The following PTPRD variants were observed in gnomAD, a reference collection of about 807,000 sequenced individuals.
The protein encoded by PTPRD is receptor-type tyrosine-protein phosphatase delta.
Under a neutral mutation model 214.5 loss-of-function variants are expected in PTPRD, and 34 were observed. The ratio of observed to expected loss-of-function variants is 0.16; its 90% CI spans 0.12 to 0.21. PTPRD has a LOEUF of 0.21. PTPRD is among the 10% of genes least tolerant of loss of function. PTPRD has a pLI of 1.00. For synonymous variants in PTPRD, 1,128 were observed against 845.7 expected, an observed-to-expected ratio of 1.33 and a Z score of -5.79; for missense variants, 2,545 against 2,398.7, an observed-to-expected ratio of 1.06 and a Z score of -1.27.
chr9:9,879,835 G>A (rs183180574), intron 5 of PTPRD, among the ~76,000 whole-genome samples: 157 of 152,282 alleles, frequency 1.0e-3, no homozygotes, highest in Non-Finnish European at 8.1e-4. Context: ...TGAATTTCCA[G>A]TTCGTCTTGC....
At chr9:8,542,458 G>A (rs1365776533) in intron 14 of PTPRD, among the ~76,000 whole-genome samples, 1 of 152,184 alleles carries the variant, frequency 6.6e-6, no homozygotes, top group East Asian at 1.9e-4. Flanking sequence ...AATTTTACAA[G>A]GGTTGGTAAT....
chr9:9,147,733 T>C (rs2099871077), intron 10 of PTPRD, among the ~76,000 whole-genome samples: 2 of 152,042 alleles, frequency 1.3e-5, no homozygotes, highest in Non-Finnish European at 2.9e-5. Context: ...ATTTGGCCCT[T>C]TATAGAAAAT....
chr9:8,556,828 A>G (rs1022885596), intron 14 of PTPRD, among the ~76,000 whole-genome samples: 58 of 152,164 alleles, frequency 3.8e-4, no homozygotes, highest in African/African-American at 1.4e-3. Flanking sequence ...GAGATAGCAT[A>G]GGTGACAGAA....
intron 12 of PTPRD, among the ~76,000 whole-genome samples, chr9:8,722,153 G>C (rs1215667028): frequency 1.5e-4 from 21 of 142,352 alleles, no homozygotes; most frequent in Non-Finnish European, 3.0e-5. Context: ...GTGTGTGTGT[G>C]TGTGTGTGTG....
chr9:9,784,461 T>C (rs1312468620), intron 5 of PTPRD, among the ~76,000 whole-genome samples: 2 of 152,120 alleles, frequency 1.3e-5, no homozygotes, highest in Admixed American at 1.3e-4. Flanking sequence ...GTCATTCTAA[T>C]CTCACATTCT....
At chr9:9,404,775 G>C (rs928454233) in intron 8 of PTPRD, among the ~76,000 whole-genome samples, 1 of 152,030 alleles carries the variant, frequency 6.6e-6, no homozygotes, top group African/African-American at 2.4e-5. Context: ...AGAGTACATA[G>C]GTAGCACATT....
At chr9:10,024,851 A>G (rs942625823) in intron 4 of PTPRD, among the ~76,000 whole-genome samples, 4 of 139,068 alleles carry the variant, frequency 2.9e-5, no homozygotes, top group Non-Finnish European at 6.1e-5. Context: ...TCATTGTTCA[A>G]TTCCCACCTA....
intron 3 of PTPRD, among the ~76,000 whole-genome samples, chr9:10,243,561 T>C (rs2091527629): frequency 6.6e-6 from 1 of 151,994 alleles, no homozygotes; most frequent in African/African-American, 2.4e-5. Context: ...CTATATTCTA[T>C]TTCCTGTAAG....
intron 7 of PTPRD, among the ~76,000 whole-genome samples, chr9:9,598,250 G>C (rs767987760): frequency 6.6e-6 from 1 of 151,964 alleles, no homozygotes; most frequent in East Asian, 1.9e-4. Flanking sequence ...CCCACATCAG[G>C]GCTGAGTTAT....
At chr9:8,940,590 A>T (rs951912376) in intron 11 of PTPRD, among the ~76,000 whole-genome samples, 2 of 151,458 alleles carry the variant, frequency 1.3e-5, no homozygotes, top group East Asian at 3.9e-4. Context: ...CACCGCACCC[A>T]GCCTGCACAT....
At chr9:9,334,194 T>C (rs1410411500) in intron 9 of PTPRD, among the ~76,000 whole-genome samples, 1 of 152,024 alleles carries the variant, frequency 6.6e-6, no homozygotes, top group African/African-American at 2.4e-5. Flanking sequence ...AATTCTATCA[T>C]AGTTGCTTAA....
intron 7 of PTPRD, among the ~76,000 whole-genome samples, chr9:9,584,159 C>A (rs2091445489): frequency 6.6e-6 from 1 of 151,836 alleles, no homozygotes; most frequent in Non-Finnish European, 1.5e-5. Context: ...TACTAGCAAG[C>A]TATGTAAAGC....
intron 11 of PTPRD, among the ~76,000 whole-genome samples, chr9:8,793,759 G>A (rs1353728055): frequency 6.6e-6 from 1 of 152,040 alleles, no homozygotes; most frequent in African/African-American, 2.4e-5. Context: ...TAACGCAAGT[G>A]CTTTATTTGG....
At chr9:8,815,234 G>A (rs886234559) in intron 11 of PTPRD, among the ~76,000 whole-genome samples, 7 of 151,824 alleles carry the variant, frequency 4.6e-5, no homozygotes, top group Admixed American at 2.0e-4. Context: ...GCTGTTTCCC[G>A]TTCTTCAAAT....
intron 7 of PTPRD, among the ~76,000 whole-genome samples, chr9:9,619,108 A>G (rs1310085718): frequency 6.6e-6 from 1 of 152,142 alleles, no homozygotes; most frequent in African/African-American, 2.4e-5. Flanking sequence ...TGGTGGTACA[A>G]ATTTCATATT....
intron 2 of PTPRD, among the ~76,000 whole-genome samples, chr9:10,350,079 C>T (rs1039370086): frequency 3.9e-5 from 6 of 152,184 alleles, no homozygotes; most frequent in African/African-American, 1.4e-4. Context: ...GTCTATGTGA[C>T]ACTATTGATT....
At chr9:10,368,169 G>A (rs2097547974) in intron 2 of PTPRD, among the ~76,000 whole-genome samples, 1 of 152,020 alleles carries the variant, frequency 6.6e-6, no homozygotes, top group Admixed American at 6.6e-5. Flanking sequence ...AAATATGTAA[G>A]ACAAAAATGA....
intron 9 of PTPRD, among the ~76,000 whole-genome samples, chr9:9,272,228 C>A (rs1162285501): frequency 2.0e-5 from 3 of 151,046 alleles, no homozygotes; most frequent in African/African-American, 7.3e-5. Context: ...GATATGTGGG[C>A]TTTTAAAAAT....
intron 14 of PTPRD, among the ~76,000 whole-genome samples, chr9:8,553,794 T>C (rs1047420215): frequency 6.6e-6 from 1 of 152,204 alleles, no homozygotes; most frequent in African/African-American, 2.4e-5. Context: ...TATGACCTTG[T>C]TGTTTGCCTG....
Sources: gnomAD v4.1 joint callset for allele counts (sites outside exome capture counted in the v4.1 genomes callset) on GRCh38, gnomAD v4.1.1 for gene constraint, MANE v1.5 for transcripts, NCBI Gene and HGNC (gene_info 2026-07-23, HGNC 2026-07-21) for gene names.